The following ZC3H11A variants were observed in gnomAD, a reference collection of about 807,000 sequenced individuals.
The protein encoded by ZC3H11A is zinc finger CCCH domain-containing protein 11A.
Under a neutral mutation model 90.8 loss-of-function variants are expected in ZC3H11A, and 22 were observed. The observed-to-expected ratio is 0.24, with a 90% CI of 0.17 to 0.35. ZC3H11A has a LOEUF of 0.35. ZC3H11A is among the 10% of genes least tolerant of loss of function. The pLI is 1.00. For missense variants in ZC3H11A, 701 were observed against 964.9 expected (o/e 0.73, Z 3.62); for synonymous variants, 294 against 339.8 (o/e 0.87, Z 1.48).
chr1:203,798,300 C>A, intron 1 of ZC3H11A: 1 of 1,536,124 alleles, frequency 6.5e-7, no homozygotes, highest in African/African-American at 1.4e-5. Context: ...TGCTTTAATT[C>A]CTGGAACTAG....
intron 4 of ZC3H11A, among the ~76,000 whole-genome samples, chr1:203,824,635 G>C (rs1175159246): frequency 6.7e-6 from 1 of 148,398 alleles, no homozygotes; most frequent in East Asian, 1.9e-4. Context: ...GCCTCCTTCT[G>C]ATACTGTAAA....
intron 8 of ZC3H11A, 39 bp from the exon 9 acceptor site, chr1:203,831,622 C>G (rs772316781): frequency 6.4e-7 from 1 of 1,560,346 alleles, no homozygotes; most frequent in Admixed American, 1.8e-5. Flanking sequence ...GCATTATTTT[C>G]CATAAATTAT....
At chr1:203,798,707 GGAGA>G (rs989086525) in intron 1 of ZC3H11A, 1 of 1,536,146 alleles carries the variant, frequency 6.5e-7, no homozygotes, top group Non-Finnish European at 8.7e-7. Context: ...TGCGTGCGCA[GGAGA>G]GAGAAACAAC....
intron 4 of ZC3H11A, among the ~76,000 whole-genome samples, chr1:203,827,265 G>A (rs146177497): frequency 2.6e-3 from 394 of 152,074 alleles, no homozygotes; most frequent in Middle Eastern, 6.8e-3. Flanking sequence ...CTTATACACA[G>A]CTGTTGGAGA....
At chr1:203,811,755 TTTA>T (rs1471106062) in intron 2 of ZC3H11A, among the ~76,000 whole-genome samples, 2 of 151,768 alleles carry the variant, frequency 1.3e-5, no homozygotes, top group Admixed American at 1.3e-4. Context: ...AATGACTTTT[TTTA>T]TTATTAAACT....
chr1:203,828,508 C>G lies in ZC3H11A; in HGVS notation c.298+86C>G, dbSNP rs80192987. 1.7e-4 allele frequency: 243 copies of G among 1,464,994 alleles called. 1 individual carries two copies. The African/African-American group carries it at 3.2e-3, about 20-fold the overall frequency. 90.7% of individuals were successfully genotyped at this position (1,464,994 alleles called of 1,614,324 possible). On this transcript the variant is annotated intron_variant, in intron 5 of 17. Coordinates refer to ENST00000367210, the MANE Select transcript of ZC3H11A (RefSeq NM_001376342.1). ...AACAGTACTTTTCAGACATTGACTCCTTTCAGTCTTGTGAAACAGCAGAAT... is the reference window on the plus strand; with the variant it reads ...AACAGTACTTTTCAGACATTGACTCGTTTCAGTCTTGTGAAACAGCAGAAT...
At chr1:203,817,171 T>A (rs1676631671) in intron 3 of ZC3H11A, 47 bp downstream of exon 3, 1 of 1,478,154 alleles carries the variant, frequency 6.8e-7, no homozygotes, top group Non-Finnish European at 9.2e-7. Context: ...ATTTGCTTAA[T>A]AGAATTGGAT....
chr1:203,814,532 A>G (rs1675597578), intron 2 of ZC3H11A, among the ~76,000 whole-genome samples: 1 of 152,130 alleles, frequency 6.6e-6, no homozygotes, highest in Admixed American at 6.6e-5. Context: ...TCAAAGAAAA[A>G]AAAAAGAATA....
Position 203,829,556 on chromosome 1 carries a change from T to C in ZC3H11A, c.404T>C (p.Leu135Pro). 1 of 1,614,052 alleles carries C rather than the reference T, an allele frequency of 6.2e-7. No homozygotes were observed. The highest frequency in any genetic ancestry group is 2.2e-5 in the East Asian group (1 of 44,884). The change falls in exon 6 of 18, where the codon CTG becomes CCG. Residue 135 changes from leucine (L) to proline (P), a missense_variant. Physicochemically the swap from Leu to Pro is moderately conservative, Grantham distance 98 (BLOSUM62 -3). Coordinates refer to ENST00000367210, the MANE Select transcript of ZC3H11A (RefSeq NM_001376342.1). ...GTCCAGTCCAATCCTTCCCCTCAGC[T>C]GCGGAGCGTTATGAAAGTAGAAAGT... ...LSVQSNPSPQLRSVMKVESSE... is the reference protein window; with the variant it reads ...LSVQSNPSPQPRSVMKVESSE...
chr1:203,820,641 C>CT (rs1678303220), intron 4 of ZC3H11A, among the ~76,000 whole-genome samples: 1 of 151,908 alleles, frequency 6.6e-6, no homozygotes, highest in African/African-American at 2.4e-5. Flanking sequence ...CCACACCCGT[C>CT]TAATTTTTTG....
chr1:203,796,035 C>G (rs145306069), intron 1 of ZC3H11A: 1 of 144,152 alleles, frequency 6.9e-6, no homozygotes, highest in Non-Finnish European at 1.5e-5. Context: ...CCCACCCCCA[C>G]CCCGTTCACC....
intron 9 of ZC3H11A, among the ~76,000 whole-genome samples, 170 bp from the exon 10 acceptor site, chr1:203,833,618 GTTT>G (rs553171669): frequency 2.2e-4 from 27 of 124,814 alleles, no homozygotes; most frequent in African/African-American, 6.5e-4. Context: ...ATAGGTTTGG[GTTT>G]TTTTTTTTTT....
rs1264893225 is a variant in ZC3H11A at position 203,831,754 on chromosome 1, C to T, written c.794C>T (p.Thr265Ile). 6 of 1,611,966 alleles carry T rather than the reference C, an allele frequency of 3.7e-6. No individual in the cohort carries two copies. Among genetic ancestry groups the T allele is most frequent in the Non-Finnish European group, 5.1e-6 (6 of 1,179,008 alleles). Reference protein sequence around the residue: ...ENVRTVVRTVTLSTKQGEEPL... With the variant: ...ENVRTVVRTVILSTKQGEEPL... ...GTCAGGACTGTGGTGAGGACAGTAA[C>T]TCTCTCCACCAAACAAGGTAAGGTA... Residue 265 changes from threonine to isoleucine, a missense_variant, in exon 9 of 18, where the codon ACT becomes ATT. This residue lies in a region of ZC3H11A where 530 missense variants were observed against 696.2 expected (regional missense o/e 0.76). Coordinates refer to ENST00000367210, the MANE Select transcript of ZC3H11A (RefSeq NM_001376342.1).
chr1:203,811,972 T>C (rs1177490985), intron 2 of ZC3H11A, among the ~76,000 whole-genome samples: 1 of 151,792 alleles, frequency 6.6e-6, no homozygotes, highest in Admixed American at 6.6e-5. Flanking sequence ...TGTGCCACCA[T>C]GCTTGGCTAA....
chr1:203,814,981 C>T (rs2102723177), intron 2 of ZC3H11A: 1 of 152,044 alleles, frequency 6.6e-6, no homozygotes, highest in African/African-American at 2.4e-5. Context: ...AGGTGTGTGC[C>T]ACCACACCTG....
At chr1:203,798,955 A>G in intron 1 of ZC3H11A, 1 of 1,536,124 alleles carries the variant, frequency 6.5e-7, no homozygotes, top group Non-Finnish European at 8.7e-7. Context: ...GTTCAAAGCC[A>G]AAAGATACAC....
At chr1:203,834,091 AT>A in intron 10 of ZC3H11A, 3 of 1,182,156 alleles carry the variant, frequency 2.5e-6, no homozygotes, top group Non-Finnish European at 3.1e-6. Flanking sequence ...AAGGAACTAG[AT>A]TTTAAAAATG....
intron 1 of ZC3H11A, chr1:203,800,182 A>C: frequency 6.6e-7 from 1 of 1,526,468 alleles, no homozygotes; most frequent in Non-Finnish European, 8.8e-7. Flanking sequence ...CCTTTAATTT[A>C]CTGGCAGAGG....
chr1:203,818,742 C>T, intron 4 of ZC3H11A, 53 bp downstream of exon 4: 1 of 1,608,682 alleles, frequency 6.2e-7, no homozygotes, highest in Non-Finnish European at 8.5e-7. Flanking sequence ...CCTGGTGGGC[C>T]AATAAAAAAT....
Sources: allele counts gnomAD v4.1 joint callset (sites outside exome capture counted in the v4.1 genomes callset), GRCh38; gene constraint gnomAD v4.1.1; regional missense constraint gnomAD v4.1.1; transcripts MANE v1.5; gene names NCBI Gene and HGNC (gene_info 2026-07-23, HGNC 2026-07-21).